Variants in CDC37 observed in about 807,000 individuals in gnomAD.
CDC37 encodes the protein hsp90 co-chaperone Cdc37.
Under a neutral mutation model 46.9 loss-of-function variants are expected in CDC37, and 9 were observed. The observed-to-expected ratio is 0.19, with a 90% CI of 0.12 to 0.33. CDC37 has a LOEUF of 0.33. Ranked by LOEUF, CDC37 falls within the 10% of genes least tolerant of loss-of-function variation. The pLI is 1.00. For missense variants in CDC37, 388 were observed against 514.6 expected (o/e 0.75, Z 2.38); for synonymous variants, 193 against 191.0 (o/e 1.01, Z -0.09).
chr19:10,399,938 A>C (rs1370236505), intron 1 of CDC37, among the ~76,000 whole-genome samples: 1 of 144,916 alleles, frequency 6.9e-6, no homozygotes, highest in African/African-American at 2.5e-5. Flanking sequence ...TCTTAAAAAA[A>C]AAAAAAAAAA....
In CDC37 at chr19:10,393,354, C is replaced by A; in HGVS notation, c.814G>T (p.Glu272Ter). The A allele has an allele frequency of 6.2e-7, 1 of 1,614,154 alleles. No homozygotes were observed. The highest frequency in any genetic ancestry group is 2.2e-5 in the East Asian group (1 of 44,884). ...TCCTCGTACTCCTTCATGGCCTTCT[C>A]GATGCGCAGCTTGGCACGGCCCCGC... Reference protein sequence around the residue: ...RVRGRAKLRIEKAMKEYEEEE... With the variant: ...RVRGRAKLRI The change falls in exon 6 of 8, where the codon GAG becomes TAG. Residue 272 changes from glutamate to a stop codon, truncating the protein, a stop_gained. Coordinates refer to ENST00000222005, the MANE Select transcript of CDC37 (RefSeq NM_007065.4). LOFTEE classifies it high-confidence loss of function. The surrounding 1 kb of genome is among the most constrained non-coding windows in gnomAD (Gnocchi z 4.9).
chr19:10,392,244 T>A (rs1266626812), intron 7 of CDC37, among the ~76,000 whole-genome samples: 15 of 152,224 alleles, frequency 9.9e-5, no homozygotes, highest in Admixed American at 9.8e-4. Flanking sequence ...GACTCAACTC[T>A]GCTGTGGTAG....
At chr19:10,394,920 G>T in intron 5 of CDC37, 101 bp downstream of exon 5, 1 of 1,281,100 alleles carries the variant, frequency 7.8e-7, no homozygotes. Context: ...TGACTGGAGG[G>T]GCTTGAGTCC....
intron 1 of CDC37, among the ~76,000 whole-genome samples, chr19:10,401,884 G>T (rs2042520263): frequency 6.6e-6 from 1 of 152,176 alleles, no homozygotes; most frequent in South Asian, 2.1e-4. Flanking sequence ...GCTGGGTGCG[G>T]TGGCTCACGC....
intron 1 of CDC37, among the ~76,000 whole-genome samples, chr19:10,402,710 G>A (rs1411123888): frequency 6.6e-6 from 1 of 152,168 alleles, no homozygotes; most frequent in Non-Finnish European, 1.5e-5. Context: ...GTTAGATCCA[G>A]AGGGGAACCA....
At chr19:10,394,089 C>CA (rs1291430420) in intron 5 of CDC37, among the ~76,000 whole-genome samples, 8 of 151,244 alleles carry the variant, frequency 5.3e-5, no homozygotes, top group Middle Eastern at 3.2e-3. Flanking sequence ...GACTCCATCT[C>CA]AAAAAAAACA....
chr19:10,403,318 G>A (rs2042530195), intron 1 of CDC37, 60 bp downstream of exon 1: 5 of 1,285,222 alleles, frequency 3.9e-6, no homozygotes, highest in Non-Finnish European at 5.6e-6. Flanking sequence ...GCAGTATCGG[G>A]GATCACAACT....
In CDC37 at chr19:10,403,330, C is replaced by G. The variant is rs1021044107; in HGVS notation, c.102+48G>C. On this transcript the variant is annotated intron_variant, in intron 1 of 7. Transcript: ENST00000222005. Reference sequence around the variant, plus strand: ...TGGGCAGTATCGGGGATCACAACTCCGAAGCGGGGTCCGGGAGTGGGGAAA... The same window carrying G: ...TGGGCAGTATCGGGGATCACAACTCGGAAGCGGGGTCCGGGAGTGGGGAAA... The G allele has an allele frequency of 2.1e-6, 3 of 1,440,798 alleles. No individual in the cohort carries two copies. The East Asian group carries it at 6.9e-5, about 33-fold the overall frequency. 89.3% of individuals were successfully genotyped at this position (1,440,798 alleles called of 1,614,324 possible).
Position 10,393,251 on chromosome 19 carries a change from A to G in CDC37, c.909+8T>C, listed in dbSNP as rs776153962. 2 of 1,612,142 alleles carry G rather than the reference A, an allele frequency of 1.2e-6. No individual in the cohort carries two copies. Among genetic ancestry groups the G allele is most frequent in the African/African-American group, 1.3e-5 (1 of 74,692 alleles). ...TTCCTGCTGCCCGCCTGGGCCGGGG[A>G]GCCCCACCTCAGGGAGGGACTCGTA... On this transcript the variant is annotated splice_region_variant and intron_variant, in intron 6 of 7. Transcript: ENST00000222005. This position sits in a 1 kb window ranked among gnomAD's most constrained non-coding sequence, Gnocchi z 4.9.
intron 5 of CDC37, 104 bp downstream of exon 5, chr19:10,394,917 A>C: frequency 8.1e-7 from 1 of 1,229,178 alleles, no homozygotes; most frequent in South Asian, 2.1e-5. Flanking sequence ...CGGTGACTGG[A>C]GGGGCTTGAG....
chr19:10,395,800 G>GC, intron 2 of CDC37, 128 bp downstream of exon 2: 1 of 273,938 alleles, frequency 3.7e-6, no homozygotes, highest in South Asian at 4.0e-5. Context: ...TCAGCTCCCC[G>GC]CCCCCCACCA....
At chr19:10,403,092 C>G (rs2042528502) in intron 1 of CDC37, among the ~76,000 whole-genome samples, 1 of 152,092 alleles carries the variant, frequency 6.6e-6, no homozygotes, top group South Asian at 2.1e-4. Flanking sequence ...TTAGGGAGAA[C>G]CCCCAAGACT....
Position 10,402,080 on chromosome 19 carries a change from C to T in CDC37, c.102+1298G>A, listed in dbSNP as rs2042521336. On this transcript the variant is annotated intron_variant, in intron 1 of 7. Coordinates refer to ENST00000222005, the MANE Select transcript of CDC37 (RefSeq NM_007065.4). Reference sequence around the variant, plus strand: ...GCTGAGGCAGGAGAATCACTTGAACCCGGGAGGCAGAGGTTGCAGTGAGCC... The same window carrying T: ...GCTGAGGCAGGAGAATCACTTGAACTCGGGAGGCAGAGGTTGCAGTGAGCC... 2.0e-5 allele frequency among the ~76,000 whole-genome samples: 3 copies of T among 148,198 alleles called. No individual in the cohort carries two copies. In the Admixed American group the frequency reaches 2.0e-4, roughly 10 times the overall value.
In CDC37 at chr19:10,393,280, C is replaced by G; in HGVS notation, c.888G>C (p.Glu296Asp). 6.2e-7 allele frequency: 1 copy of G among 1,613,140 alleles called. No individual in the cohort carries two copies. The highest frequency in any genetic ancestry group is 8.5e-7 in the Non-Finnish European group (1 of 1,179,594). Reference protein sequence around the residue: ...RLGPGGLDPVEVYESLPEELQ... With the variant: ...RLGPGGLDPVDVYESLPEELQ... ...CCACCTCAGGGAGGGACTCGTAGACCTCGACGGGGTCCAGGCCGCCGGGGC... is the reference window on the plus strand; with the variant it reads ...CCACCTCAGGGAGGGACTCGTAGACGTCGACGGGGTCCAGGCCGCCGGGGC... The change falls in exon 6 of 8, where the codon GAG (glutamate) becomes GAC (aspartate). Residue 296 changes from glutamate to aspartate, a missense_variant. This residue lies in a region of CDC37 where 374 missense variants were observed against 467.4 expected (regional missense o/e 0.80). Transcript: ENST00000222005. This position sits in a 1 kb window ranked among gnomAD's most constrained non-coding sequence, Gnocchi z 4.9.
chr19:10,395,485 T>G lies in CDC37; in HGVS notation c.437A>C (p.Gln146Pro). Residue 146 changes from glutamine to proline, a missense_variant, in exon 3 of 8, where the codon CAG (glutamine) becomes CCG (proline). This residue lies in a region of CDC37 where 374 missense variants were observed against 467.4 expected (regional missense o/e 0.80). Coordinates refer to ENST00000222005, the MANE Select transcript of CDC37 (RefSeq NM_007065.4). ...TTTTTCCACGAAGGTCTTGTGTTTCTGCTCCCTCACCTCCTCTGAGTCCTC... is the reference window on the plus strand; with the variant it reads ...TTTTTCCACGAAGGTCTTGTGTTTCGGCTCCCTCACCTCCTCTGAGTCCTC... ...TEEDSEEVRE[Q>P]KHKTFVEKYE... The G allele has an allele frequency of 6.2e-7, 1 of 1,614,216 alleles. No individual in the cohort carries two copies. Among genetic ancestry groups the G allele is most frequent in the Non-Finnish European group, 8.5e-7 (1 of 1,180,000 alleles).
chr19:10,396,070 G>A lies in CDC37; in HGVS notation c.236C>T (p.Ala79Val), dbSNP rs1431614706. ...CTCGGCCTGCAGGCGCTCCAGCTCT[G>A]CCTTGCCGCCCTCGGCCACCTCCAG... ...KELEVAEGGK[A>V]ELERLQAEAQ... Residue 79 changes from alanine to valine, a missense_variant, in exon 2 of 8, where the codon GCA becomes GTA. Ala to Val is a moderately conservative substitution (Grantham distance 64). Coordinates refer to ENST00000222005, the MANE Select transcript of CDC37 (RefSeq NM_007065.4). The surrounding 1 kb of genome is among the most constrained non-coding windows in gnomAD (Gnocchi z 5.9). The A allele has an allele frequency of 3.1e-6, 5 of 1,613,934 alleles. No individual in the cohort carries two copies. Among genetic ancestry groups the A allele is most frequent in the East Asian group, 4.5e-5 (2 of 44,846 alleles).
rs374903549 is a variant in CDC37 at position 10,393,076 on chromosome 19, G to C, written c.981+10C>G. 134 of 1,612,634 alleles carry C rather than the reference G, an allele frequency of 8.3e-5. No homozygotes were observed. Among genetic ancestry groups the C allele is most frequent in the Non-Finnish European group, 1.1e-4 (125 of 1,178,750 alleles). ...CCGCCGGGAAGGCATGGGGCGCGGGGGTTACTCACGGTGGGGTCCATCTTG... is the reference window on the plus strand; with the variant it reads ...CCGCCGGGAAGGCATGGGGCGCGGGCGTTACTCACGGTGGGGTCCATCTTG... On this transcript the variant is annotated intron_variant, in intron 7 of 7. Coordinates refer to ENST00000222005, the MANE Select transcript of CDC37 (RefSeq NM_007065.4). The surrounding 1 kb of genome is among the most constrained non-coding windows in gnomAD (Gnocchi z 4.9).
Position 10,398,569 on chromosome 19 carries a change from T to C in CDC37, c.103-2366A>G, listed in dbSNP as rs549820059. 7.9e-4 allele frequency among the ~76,000 whole-genome samples: 121 copies of C among 152,356 alleles called. 1 individual carries two copies. The highest frequency in any genetic ancestry group is 2.8e-3 in the African/African-American group (115 of 41,588). The stretch of plus-strand genomic sequence containing the variant: ...CTGTCAAACAGTCAACAATGCTGAC[T>C]GCACAAGCTCATATTGGAAGAAACT... On this transcript the variant is annotated intron_variant, in intron 1 of 7. Coordinates refer to ENST00000222005, the MANE Select transcript of CDC37 (RefSeq NM_007065.4). The surrounding 1 kb of genome is among the most constrained non-coding windows in gnomAD (Gnocchi z 4.2).
chr19:10,397,859 G>A (rs1315538774), intron 1 of CDC37, among the ~76,000 whole-genome samples: 1 of 151,996 alleles, frequency 6.6e-6, no homozygotes, highest in East Asian at 1.9e-4. Flanking sequence ...TCACTCCCCA[G>A]GCACTCCTCT....
Sources: gnomAD v4.1 joint callset for allele counts (sites outside exome capture counted in the v4.1 genomes callset) on GRCh38, gnomAD v4.1.1 for gene constraint, gnomAD v4.1.1 regional missense constraint, Gnocchi (gnomAD v3.1) non-coding constraint, MANE v1.5 for transcripts, NCBI Gene and HGNC (gene_info 2026-07-23, HGNC 2026-07-21) for gene names.